Variants in SYTL3 observed in about 807,000 individuals in gnomAD.
SYTL3 encodes the protein synaptotagmin like 3, also known as synaptotagmin-like protein 3.
SYTL3 carries 88 observed loss-of-function variants against 82.1 expected under a neutral mutation model. The ratio of observed to expected loss-of-function variants is 1.07; its 90% confidence interval spans 0.90 to 1.28. The LOEUF (loss-of-function observed/expected upper bound fraction) is 1.28. Ranked by LOEUF, SYTL3 falls within the 50% of genes most tolerant of loss-of-function variation. SYTL3 has a pLI of 0.00. For missense variants in SYTL3, 831 were observed against 757.6 expected (o/e 1.10, Z -1.14); for synonymous variants, 311 against 289.4 (o/e 1.07, Z -0.76).
At chr6:158,675,611 C>T (rs755540689) in intron 5 of SYTL3, among the ~76,000 whole-genome samples, 4 of 151,992 alleles carry the variant, frequency 2.6e-5, no homozygotes, top group African/African-American at 4.8e-5. Flanking sequence ...GTTGGGAGTT[C>T]GAGACCAGCC....
At chr6:158,703,822 CATTATT>C (rs71761794) in intron 6 of SYTL3, among the ~76,000 whole-genome samples, 31 of 129,508 alleles carry the variant, frequency 2.4e-4, no homozygotes, top group Admixed American at 7.5e-4. Flanking sequence ...ATATTATTAT[CATTATT>C]ATTATTATTA....
At chr6:158,748,052 G>A (rs1032780849) in intron 12 of SYTL3, among the ~76,000 whole-genome samples, 3 of 147,328 alleles carry the variant, frequency 2.0e-5, no homozygotes, top group East Asian at 1.9e-4. Flanking sequence ...GTTTAAATAC[G>A]TTCTCTGGTT....
At chr6:158,711,181 A>T (rs890598077) in intron 8 of SYTL3, among the ~76,000 whole-genome samples, 1 of 152,164 alleles carries the variant, frequency 6.6e-6, no homozygotes, top group African/African-American at 2.4e-5. Flanking sequence ...CACCAATACT[A>T]ATTAGCTTTT....
chr6:158,758,002 G>C (rs1403643778), intron 14 of SYTL3, among the ~76,000 whole-genome samples: 1 of 152,148 alleles, frequency 6.6e-6, no homozygotes, highest in Non-Finnish European at 1.5e-5. Flanking sequence ...AGGCTATGCA[G>C]GTAGGAGGAG....
chr6:158,729,087 C>CT (rs1326467080), intron 11 of SYTL3, among the ~76,000 whole-genome samples: 2 of 152,108 alleles, frequency 1.3e-5, no homozygotes, highest in Non-Finnish European at 2.9e-5. Context: ...TGAGTGTTTA[C>CT]TTTTTTGCCT....
rs991447008 is a variant in SYTL3 at position 158,651,743 on chromosome 6, G to A, written c.-726-10G>A. On this transcript the variant is annotated splice_polypyrimidine_tract_variant and intron_variant, in intron 1 of 17. Coordinates refer to ENST00000611299, the MANE Select transcript of SYTL3 (RefSeq NM_001242394.2). ...AAGTAATATTTTTTGTTGTTTTTGG[G>A]TGGTAAAAGGCTCCCCGAATGAGAA... 12 of 151,612 alleles carry A rather than the reference G, an allele frequency of 7.9e-5. No homozygotes were observed. Among genetic ancestry groups the A allele is most frequent in the Non-Finnish European group, 5.9e-5 (4 of 67,906 alleles). 9.4% of individuals were successfully genotyped at this position (151,612 alleles called of 1,614,324 possible).
intron 5 of SYTL3, among the ~76,000 whole-genome samples, chr6:158,667,857 A>C (rs1790269572): frequency 6.6e-6 from 1 of 152,166 alleles, no homozygotes; most frequent in South Asian, 2.1e-4. Context: ...TTTAAGATAA[A>C]GTTTCTGTCT....
chr6:158,709,221 T>A (rs1295644919), intron 8 of SYTL3, among the ~76,000 whole-genome samples: 1 of 151,916 alleles, frequency 6.6e-6, no homozygotes, highest in Non-Finnish European at 1.5e-5. Flanking sequence ...AGAGCAAGAC[T>A]CCATCTCAAA....
intron 14 of SYTL3, 131 bp from the exon 15 acceptor site, chr6:158,760,509 A>T: frequency 1.4e-6 from 1 of 723,234 alleles, no homozygotes; most frequent in Non-Finnish European, 2.5e-6. Flanking sequence ...CCACGGACAC[A>T]CCTGCTCCAC....
intron 2 of SYTL3, among the ~76,000 whole-genome samples, chr6:158,660,642 G>A (rs1348350994): frequency 6.6e-6 from 1 of 152,204 alleles, no homozygotes; most frequent in Non-Finnish European, 1.5e-5. Flanking sequence ...AGCCAATACT[G>A]CAGCTATGTG....
In SYTL3 at chr6:158,764,865, C is replaced by A; in HGVS notation, c.*261C>A. 1 of 371,684 alleles carries A rather than the reference C, an allele frequency of 2.7e-6. No homozygotes were observed. Among genetic ancestry groups the A allele is most frequent in the Non-Finnish European group, 4.9e-6 (1 of 203,326 alleles). The allele number at this position is 371,684 out of a possible 1,614,324, so 23.0% of individuals were successfully genotyped here. On this transcript the variant is annotated 3_prime_UTR_variant, in exon 18 of 18. Coordinates refer to ENST00000611299, the MANE Select transcript of SYTL3 (RefSeq NM_001242394.2). ...GCCAGATTTTAATAAACGTTGTTACCCATGTCCTCCAGTGCTTATCAAATG... is the reference window on the plus strand; with the variant it reads ...GCCAGATTTTAATAAACGTTGTTACACATGTCCTCCAGTGCTTATCAAATG...
intron 12 of SYTL3, among the ~76,000 whole-genome samples, chr6:158,749,793 C>T (rs955172492): frequency 1.3e-5 from 2 of 152,062 alleles, no homozygotes; most frequent in Admixed American, 6.6e-5. Context: ...TGGCTGAAAT[C>T]GACACATTCT....
chr6:158,687,528 C>T (rs774101507), intron 6 of SYTL3, among the ~76,000 whole-genome samples: 3 of 152,192 alleles, frequency 2.0e-5, no homozygotes, highest in South Asian at 2.1e-4. Context: ...TCACTGGGAC[C>T]GTCTGTGTGC....
At chr6:158,733,834 A>G (rs1288892078) in intron 11 of SYTL3, among the ~76,000 whole-genome samples, 1 of 150,660 alleles carries the variant, frequency 6.6e-6, no homozygotes, top group Non-Finnish European at 1.5e-5. Flanking sequence ...GCGGTGGCTC[A>G]CGCCTGTAAT....
At chr6:158,691,498 T>C (rs903358442) in intron 6 of SYTL3, among the ~76,000 whole-genome samples, 17 of 152,206 alleles carry the variant, frequency 1.1e-4, no homozygotes, top group Non-Finnish European at 2.9e-5. Context: ...CTCTCCTCTT[T>C]TGGCATCTGC....
At chr6:158,652,037 C>T (rs971780218) in intron 2 of SYTL3, among the ~76,000 whole-genome samples, 195 bp downstream of exon 2, 5 of 149,724 alleles carry the variant, frequency 3.3e-5, no homozygotes, top group African/African-American at 9.9e-5. Flanking sequence ...AAGTGATTCT[C>T]CTGCCTCAGC....
intron 2 of SYTL3, among the ~76,000 whole-genome samples, chr6:158,655,001 C>G (rs1057262191): frequency 6.6e-5 from 10 of 152,138 alleles, no homozygotes; most frequent in African/African-American, 2.4e-4. Context: ...AAGCTCCGAG[C>G]AGGTGAGGAC....
chr6:158,757,000 A>AGCC (rs1554266364), intron 13 of SYTL3, among the ~76,000 whole-genome samples: 56 of 141,920 alleles, frequency 3.9e-4, no homozygotes, highest in South Asian at 9.2e-4. Context: ...CAGAGAGAGG[A>AGCC]CCCCCCCGCC....
intron 15 of SYTL3, among the ~76,000 whole-genome samples, chr6:158,760,957 C>T (rs1789839291): frequency 1.3e-5 from 2 of 152,320 alleles, no homozygotes; most frequent in South Asian, 2.1e-4. Flanking sequence ...CAGAAGCAGA[C>T]AAGGCCTCTG....
Sources: gnomAD v4.1 joint callset for allele counts (sites outside exome capture counted in the v4.1 genomes callset) on GRCh38, gnomAD v4.1.1 for gene constraint, MANE v1.5 for transcripts, NCBI Gene and HGNC (gene_info 2026-07-23, HGNC 2026-07-21) for gene names.